The following MCC variants were observed in gnomAD, a reference collection of about 807,000 sequenced individuals.
The protein encoded by MCC is MCC regulator of Wnt signaling pathway, also known as colorectal mutant cancer protein.
MCC carries 90 observed loss-of-function variants against 116.2 expected under a neutral mutation model. That is an observed-to-expected ratio of 0.77 (90% CI 0.65 to 0.92). MCC has a LOEUF of 0.92. MCC is among the 40% of genes least tolerant of loss of function. The pLI is 0.00. For missense variants in MCC, 1,516 were observed against 1,312.2 expected, an observed-to-expected ratio of 1.16 and a Z score of -2.40; for synonymous variants, 578 against 510.5, an observed-to-expected ratio of 1.13 and a Z score of -1.78.
At chr5:113,286,686 T>G (rs779674268) in intron 3 of MCC, among the ~76,000 whole-genome samples, 1 of 152,164 alleles carries the variant, frequency 6.6e-6, no homozygotes, top group Non-Finnish European at 1.5e-5. Flanking sequence ...AAACTCAACA[T>G]ATGGTTTTTG....
chr5:113,240,667 G>A (rs2150338857), intron 3 of MCC, among the ~76,000 whole-genome samples: 1 of 152,272 alleles, frequency 6.6e-6, no homozygotes, highest in African/African-American at 2.4e-5. Context: ...AGAGTCTAAT[G>A]CCAACTGTAA....
intron 11 of MCC, among the ~76,000 whole-genome samples, chr5:113,073,457 T>C (rs1035928197): frequency 6.6e-6 from 1 of 152,200 alleles, no homozygotes; most frequent in Admixed American, 6.5e-5. Context: ...TTTAATGACT[T>C]CTAATTACAC....
chr5:113,348,784 A>C (rs1020948297), intron 2 of MCC, among the ~76,000 whole-genome samples: 11 of 152,064 alleles, frequency 7.2e-5, no homozygotes, highest in African/African-American at 2.6e-4. Flanking sequence ...GGTTTTTGAA[A>C]AGATAAATAA....
chr5:113,444,134 C>T (rs552053498), intron 1 of MCC, among the ~76,000 whole-genome samples: 3 of 152,030 alleles, frequency 2.0e-5, no homozygotes, highest in African/African-American at 4.8e-5. Flanking sequence ...TGTGCATCAC[C>T]GTGCCCGGCC....
At chr5:113,208,775 C>G (rs1763008450) in intron 3 of MCC, among the ~76,000 whole-genome samples, 1 of 152,158 alleles carries the variant, frequency 6.6e-6, no homozygotes, top group Non-Finnish European at 1.5e-5. Flanking sequence ...GAGAGACACT[C>G]TTACCTGAGG....
chr5:113,132,084 G>T (rs1052735628), intron 5 of MCC, among the ~76,000 whole-genome samples: 2 of 151,642 alleles, frequency 1.3e-5, no homozygotes, highest in South Asian at 2.1e-4. Context: ...GGATATAAGC[G>T]TTTTTTTAAA....
chr5:113,314,992 T>C (rs896599193), intron 3 of MCC, among the ~76,000 whole-genome samples: 14 of 152,228 alleles, frequency 9.2e-5, no homozygotes, highest in African/African-American at 3.1e-4. Context: ...GATTCTGGCC[T>C]TTGATTCTCA....
At chr5:113,103,737 A>G (rs766957987) in intron 7 of MCC, among the ~76,000 whole-genome samples, 2 of 152,176 alleles carry the variant, frequency 1.3e-5, no homozygotes, top group Non-Finnish European at 2.9e-5. Flanking sequence ...CTTTCCCATC[A>G]TTCACAATGA....
chr5:113,201,727 G>A (rs1762688965), intron 3 of MCC, among the ~76,000 whole-genome samples: 2 of 152,130 alleles, frequency 1.3e-5, no homozygotes, highest in African/African-American at 2.4e-5. Flanking sequence ...TATGCAGGAA[G>A]GTTGGTTTAG....
At position 113,433,944 on chromosome 5, in the gene MCC, G is replaced by T. The variant is rs764177231; in HGVS notation, c.171-48732C>A. The T allele has an allele frequency of 2.5e-5, 40 of 1,613,878 alleles. No homozygotes were observed. The South Asian group carries it at 4.3e-4, about 17-fold the overall frequency. The stretch of plus-strand genomic sequence containing the variant: ...CTTCTTGTCAGAGCCAGGTTCGGGG[G>T]TCCACAAGGGTTCAGTTCCCCGGGA... On this transcript the variant is annotated intron_variant, in intron 1 of 18. Coordinates refer to ENST00000408903, the MANE Select transcript of MCC (RefSeq NM_001085377.2).
At chr5:113,043,410 A>G in intron 17 of MCC, 120 bp downstream of exon 17, 1 of 931,964 alleles carries the variant, frequency 1.1e-6, no homozygotes, top group East Asian at 2.7e-5. Context: ...TCTGGCTTCC[A>G]AGACATGGGT....
chr5:113,054,010 T>C (rs1256723284), intron 14 of MCC, 51 bp from the exon 15 acceptor site: 7 of 1,308,152 alleles, frequency 5.4e-6, no homozygotes, highest in Non-Finnish European at 7.7e-6. Context: ...TTCCAAGTCA[T>C]GGCAAATAGA....
chr5:113,081,255 T>C (rs1478769750), intron 11 of MCC, among the ~76,000 whole-genome samples: 2 of 152,102 alleles, frequency 1.3e-5, no homozygotes, highest in African/African-American at 4.8e-5. Flanking sequence ...GGTCAAAGGG[T>C]AAGGGTTGGA....
At chr5:113,355,822 G>A (rs771557537) in intron 2 of MCC, among the ~76,000 whole-genome samples, 1 of 152,044 alleles carries the variant, frequency 6.6e-6, no homozygotes, top group Non-Finnish European at 1.5e-5. Context: ...ATCACACTGG[G>A]GGTTAGGGTT....
intron 1 of MCC, among the ~76,000 whole-genome samples, chr5:113,444,283 G>A (rs537781163): frequency 1.1e-4 from 17 of 152,126 alleles, no homozygotes; most frequent in African/African-American, 3.6e-4. Flanking sequence ...AGAGTCTGAG[G>A]GCCTGCAAAA....
intron 2 of MCC, among the ~76,000 whole-genome samples, chr5:113,353,429 T>A (rs11948187): frequency 2.0e-5 from 3 of 152,214 alleles, no homozygotes; most frequent in Admixed American, 2.0e-4. Flanking sequence ...TATGTCATTT[T>A]ATTTGTTTAT....
At chr5:113,101,247 G>A (rs554754350) in intron 8 of MCC, among the ~76,000 whole-genome samples, 1 of 151,844 alleles carries the variant, frequency 6.6e-6, no homozygotes, top group South Asian at 2.1e-4. Context: ...CAATGTACAA[G>A]ATATGGCTAT....
At chr5:113,368,920 C>A (rs530263677) in intron 2 of MCC, among the ~76,000 whole-genome samples, 1 of 152,272 alleles carries the variant, frequency 6.6e-6, no homozygotes, top group South Asian at 2.1e-4. Context: ...AAAGTGGGTT[C>A]CCACAATCTT....
chr5:113,388,963 T>C (rs1428839900), intron 1 of MCC, among the ~76,000 whole-genome samples: 1 of 152,114 alleles, frequency 6.6e-6, no homozygotes, highest in South Asian at 2.1e-4. Flanking sequence ...GAGAAAACAA[T>C]TAGGGACAGC....
Sources: gnomAD v4.1 joint callset for allele counts (sites outside exome capture counted in the v4.1 genomes callset) on GRCh38, gnomAD v4.1.1 for gene constraint, MANE v1.5 for transcripts, NCBI Gene and HGNC (gene_info 2026-07-23, HGNC 2026-07-21) for gene names.